Variants in NCKAP5 observed in about 807,000 individuals in gnomAD.
NCKAP5 encodes NCK associated protein 5, also known as nck-associated protein 5.
A neutral mutation model predicts 167.0 loss-of-function variants in NCKAP5; 92 were observed. The ratio of observed to expected loss-of-function variants is 0.55; its 90% CI spans 0.47 to 0.66. NCKAP5 has a LOEUF of 0.66. NCKAP5 is among the 30% of genes least tolerant of loss of function. The probability of loss-of-function intolerance (pLI) is 0.00; values close to 1 mark genes in which losing one functional copy is unlikely to be tolerated. For missense variants in NCKAP5, 2,378 were observed against 2,315.0 expected (o/e 1.03, Z -0.56); for synonymous variants, 891 against 877.4 (o/e 1.02, Z -0.27).
the NCKAP5 span, among the ~76,000 whole-genome samples, chr2:133,601,566 C>T: frequency 6.6e-3 from 1,002 of 152,066 alleles, 7 homozygotes; most frequent in South Asian, 0.015. Context: ...CCCATCTCTA[C>T]TAAAAAAAAT....
At chr2:133,654,732 A>T in the NCKAP5 span, among the ~76,000 whole-genome samples, 1 of 152,200 alleles carries the variant, frequency 6.6e-6, no homozygotes, top group Non-Finnish European at 1.5e-5. Flanking sequence ...TGAGTGACTG[A>T]GTGCTCCTAT....
chr2:133,030,322 G>A (rs529534592), intron 6 of NCKAP5, among the ~76,000 whole-genome samples: 1 of 152,288 alleles, frequency 6.6e-6, no homozygotes, highest in East Asian at 1.9e-4. Flanking sequence ...GCAAGGGCTG[G>A]GCAAGGAAAG....
chr2:133,146,716 A>T (rs2083210480), intron 5 of NCKAP5, among the ~76,000 whole-genome samples: 1 of 152,110 alleles, frequency 6.6e-6, no homozygotes, highest in African/African-American at 2.4e-5. Context: ...TTCTTAAGGC[A>T]TATAACCCTA....
At position 133,517,521 on chromosome 2, in the gene NCKAP5, C is replaced by T; in HGVS notation, c.6G>A (p.Glu2=). Residue 2 remains glutamate, a synonymous_variant, in exon 3 of 20, where the codon GAG becomes GAA. Transcript: ENST00000409261. ...CCCTTTTCTCAAGCTGTCTCTTTCCCTCCATGGATGAAGTTATTTATTTTC... is the reference window on the plus strand; with the variant it reads ...CCCTTTTCTCAAGCTGTCTCTTTCCTTCCATGGATGAAGTTATTTATTTTC... M[E]GKRQLEKRDF... 6.5e-7 allele frequency: 1 copy of T among 1,530,066 alleles called. No individual in the cohort carries two copies. The allele number at this position is 1,530,066 out of a possible 1,614,324, so 94.8% of individuals were successfully genotyped here.
chr2:133,000,481 A>G lies in NCKAP5; in HGVS notation c.342-6242T>C, dbSNP rs2077741770. On this transcript the variant is annotated intron_variant, in intron 6 of 19. Transcript: ENST00000409261. ...TACTTCCCATATTGGCTGGAAAAGA[A>G]GGAATACTTGCAATAAAATACTAGC... is the stretch of plus-strand genomic sequence containing the variant. Among the ~76,000 whole-genome samples the G allele has an allele frequency of 2.6e-5, 4 of 152,198 alleles. No individual in the cohort carries two copies. The South Asian group carries it at 8.3e-4, about 31-fold the overall frequency.
chr2:133,393,273 G>C (rs1310546717), intron 3 of NCKAP5, among the ~76,000 whole-genome samples: 3 of 152,160 alleles, frequency 2.0e-5, no homozygotes, highest in Non-Finnish European at 4.4e-5. Context: ...ACACCTAGCA[G>C]TATTTTGAGA....
chr2:133,117,792 GAA>G (rs2082128925), intron 6 of NCKAP5: 1 of 152,174 alleles, frequency 6.6e-6, no homozygotes, highest in Non-Finnish European at 1.5e-5. Flanking sequence ...TGGGCTTCAG[GAA>G]AAGAGTTCAA....
At chr2:133,019,962 G>A (rs2078469318) in intron 6 of NCKAP5, among the ~76,000 whole-genome samples, 2 of 152,290 alleles carry the variant, frequency 1.3e-5, no homozygotes, top group South Asian at 2.1e-4. Context: ...TCCTCCAGGC[G>A]GTCACTCACC....
intron 6 of NCKAP5, among the ~76,000 whole-genome samples, chr2:133,023,486 T>C (rs959756045): frequency 8.2e-4 from 125 of 152,340 alleles, no homozygotes; most frequent in African/African-American, 2.9e-3. Context: ...GGGGTACATG[T>C]ACAGATTTGT....
At chr2:133,262,314 C>T (rs2088948437) in intron 4 of NCKAP5, among the ~76,000 whole-genome samples, 1 of 152,116 alleles carries the variant, frequency 6.6e-6, no homozygotes. Flanking sequence ...ATTCTGAGTT[C>T]CCAAATCTCC....
chr2:132,878,011 A>C (rs2148808176), intron 9 of NCKAP5, among the ~76,000 whole-genome samples: 1 of 152,330 alleles, frequency 6.6e-6, no homozygotes, highest in Non-Finnish European at 1.5e-5. Flanking sequence ...ATGACTAAAG[A>C]AGTGATTTCA....
intron 13 of NCKAP5, among the ~76,000 whole-genome samples, chr2:132,788,089 C>G (rs1413660399): frequency 6.6e-6 from 1 of 152,148 alleles, no homozygotes; most frequent in Non-Finnish European, 1.5e-5. Flanking sequence ...TATCTAACAA[C>G]TGGAGAAAAG....
intron 3 of NCKAP5, among the ~76,000 whole-genome samples, chr2:133,489,380 T>C (rs1297084609): frequency 6.6e-6 from 1 of 152,058 alleles, no homozygotes; most frequent in Non-Finnish European, 1.5e-5. Flanking sequence ...AGACAGAGAT[T>C]CAAAAATGTG....
the NCKAP5 span, among the ~76,000 whole-genome samples, chr2:133,657,951 T>C: frequency 6.6e-6 from 1 of 152,092 alleles, no homozygotes; most frequent in African/African-American, 2.4e-5. Context: ...AAGATTTTGA[T>C]GGATAAAACA....
At chr2:133,326,237 C>G (rs934310026) in intron 3 of NCKAP5, among the ~76,000 whole-genome samples, 1 of 152,096 alleles carries the variant, frequency 6.6e-6, no homozygotes, top group Non-Finnish European at 1.5e-5. Context: ...AGGCGGATCA[C>G]GAGCTCAGGA....
intron 16 of NCKAP5, among the ~76,000 whole-genome samples, chr2:132,757,925 A>C (rs1680684621): frequency 2.6e-5 from 4 of 152,214 alleles, no homozygotes; most frequent in Admixed American, 2.6e-4. Context: ...CATATGTTTC[A>C]GACCAACTCC....
chr2:132,828,259 T>C (rs1446109225), intron 11 of NCKAP5, among the ~76,000 whole-genome samples: 2 of 152,186 alleles, frequency 1.3e-5, no homozygotes, highest in Non-Finnish European at 2.9e-5. Flanking sequence ...ACTAAGGCAC[T>C]GATATGGTTT....
At chr2:132,975,659 T>C (rs1447879005) in intron 7 of NCKAP5, among the ~76,000 whole-genome samples, 1 of 152,158 alleles carries the variant, frequency 6.6e-6, no homozygotes, top group African/African-American at 2.4e-5. Context: ...ATTATGTCCT[T>C]GTAGCCCACG....
chr2:133,348,529 C>T (rs534377774), intron 3 of NCKAP5, among the ~76,000 whole-genome samples: 1 of 152,126 alleles, frequency 6.6e-6, no homozygotes, highest in Non-Finnish European at 1.5e-5. Flanking sequence ...GCCAACATCA[C>T]CATGTTTTCA....
Sources: gnomAD v4.1 joint callset for allele counts (sites outside exome capture counted in the v4.1 genomes callset) on GRCh38, gnomAD v4.1.1 for gene constraint, MANE v1.5 for transcripts, NCBI Gene and HGNC (gene_info 2026-07-23, HGNC 2026-07-21) for gene names.